The following OR10J1 variants were observed in gnomAD, a reference collection of about 807,000 sequenced individuals.
OR10J1 encodes the protein olfactory receptor 10J1.
For missense variants in OR10J1, 474 were observed against 376.6 expected, an observed-to-expected ratio of 1.26 and a Z score of -2.14; for synonymous variants, 202 against 143.8, an observed-to-expected ratio of 1.40 and a Z score of -2.89.
chr1:159,413,907 C>T, the OR10J1 span, among the ~76,000 whole-genome samples: 3 of 151,598 alleles, frequency 2.0e-5, no homozygotes, highest in Non-Finnish European at 4.4e-5. Flanking sequence ...TTTTATTAAT[C>T]TTTCTTAAAT....
chr1:159,400,135 C>T, the OR10J1 span, among the ~76,000 whole-genome samples: 1 of 151,692 alleles, frequency 6.6e-6, no homozygotes, highest in Non-Finnish European at 1.5e-5. Context: ...ACAAGACAAC[C>T]TGGAAACAAC....
At chr1:159,438,680 C>T (rs1220528593), upstream of OR10J1, among the ~76,000 whole-genome samples, 1 of 152,174 alleles carries the variant, frequency 6.6e-6, no homozygotes, top group Non-Finnish European at 1.5e-5. Context: ...TGAAGAAAGT[C>T]TCCGTGCGTA....
At chr1:159,422,876 G>A in the OR10J1 span, among the ~76,000 whole-genome samples, 3 of 152,136 alleles carry the variant, frequency 2.0e-5, no homozygotes, top group African/African-American at 4.8e-5. Context: ...AACCTCTTCA[G>A]GCTGCCAGCA....
the OR10J1 span, among the ~76,000 whole-genome samples, chr1:159,420,100 T>G: frequency 6.6e-6 from 1 of 152,200 alleles, no homozygotes; most frequent in African/African-American, 2.4e-5. Flanking sequence ...TTTACTGTTT[T>G]TGACTTAAAG....
upstream of OR10J1, among the ~76,000 whole-genome samples, chr1:159,437,127 TG>T (rs1477505351): frequency 3.9e-5 from 6 of 152,222 alleles, no homozygotes; most frequent in Non-Finnish European, 8.8e-5. Flanking sequence ...AGTTTAGAGT[TG>T]GGTCTTGACA....
the OR10J1 span, among the ~76,000 whole-genome samples, chr1:159,424,338 CAT>C: frequency 1.3e-5 from 2 of 150,962 alleles, no homozygotes; most frequent in African/African-American, 4.9e-5. Flanking sequence ...TATGCACATA[CAT>C]ATGATTTAAA....
chr1:159,402,134 T>C, the OR10J1 span, among the ~76,000 whole-genome samples: 46 of 151,916 alleles, frequency 3.0e-4, no homozygotes, highest in Non-Finnish European at 6.2e-4. Context: ...CTACAGCTAG[T>C]ACCATACTGA....
chr1:159,419,767 G>A, the OR10J1 span, among the ~76,000 whole-genome samples: 2 of 152,164 alleles, frequency 1.3e-5, no homozygotes, highest in Admixed American at 6.5e-5. Context: ...TTTGGAGAAT[G>A]TTTCTTGTGC....
At chr1:159,411,073 A>G in the OR10J1 span, among the ~76,000 whole-genome samples, 1 of 152,114 alleles carries the variant, frequency 6.6e-6, no homozygotes, top group African/African-American at 2.4e-5. Context: ...ACAGTTTGTT[A>G]TAATTTCTGT....
the OR10J1 span, among the ~76,000 whole-genome samples, chr1:159,423,873 A>G: frequency 6.6e-6 from 1 of 152,262 alleles, no homozygotes; most frequent in East Asian, 1.9e-4. Flanking sequence ...CACACCCAGA[A>G]CTTTCAATTG....
At chr1:159,415,779 GATTA>G in the OR10J1 span, among the ~76,000 whole-genome samples, 30 of 151,986 alleles carry the variant, frequency 2.0e-4, no homozygotes, top group East Asian at 1.7e-3. Context: ...ATATTAATGT[GATTA>G]ATTATTTAAT....
At chr1:159,414,741 T>C in the OR10J1 span, among the ~76,000 whole-genome samples, 1 of 152,012 alleles carries the variant, frequency 6.6e-6, no homozygotes, top group Non-Finnish European at 1.5e-5. Context: ...TGGCATCTTC[T>C]GTTATTTATT....
At chr1:159,429,607 G>A in the OR10J1 span, among the ~76,000 whole-genome samples, 1 of 152,176 alleles carries the variant, frequency 6.6e-6, no homozygotes, top group Non-Finnish European at 1.5e-5. Flanking sequence ...TTTATAATGA[G>A]TTCCCCAGAC....
chr1:159,400,726 C>T, the OR10J1 span, among the ~76,000 whole-genome samples: 1 of 151,678 alleles, frequency 6.6e-6, no homozygotes, highest in African/African-American at 2.4e-5. Context: ...ACAGAAAATC[C>T]ATAAAGAAAC....
In OR10J1 at chr1:159,440,680, A is replaced by G; in HGVS notation, c.889A>G (p.Lys297Glu). The G allele has an allele frequency of 6.2e-7, 1 of 1,613,998 alleles. No homozygotes were observed. The highest frequency in any genetic ancestry group is 2.2e-5 in the East Asian group (1 of 44,878). ...VVYTLRNKEV[K>E]DALCRAVGGK... Reference sequence around the variant, plus strand: ...ATACACCCTGAGAAATAAAGAGGTCAAAGATGCTCTGTGCAGGGCTGTTGG... The same window carrying G: ...ATACACCCTGAGAAATAAAGAGGTCGAAGATGCTCTGTGCAGGGCTGTTGG... Residue 297 changes from lysine (K) to glutamate (E), a missense_variant, in exon 1 of 1, where the codon AAA becomes GAA. Lys to Glu is a moderately conservative substitution (Grantham distance 56). Transcript: ENST00000423932.
At chr1:159,417,506 G>A in the OR10J1 span, among the ~76,000 whole-genome samples, 5 of 152,132 alleles carry the variant, frequency 3.3e-5, no homozygotes, top group Admixed American at 2.6e-4. Context: ...TTTTAAAAGT[G>A]GAAGTTGTCC....
chr1:159,406,669 G>A, the OR10J1 span, among the ~76,000 whole-genome samples: 2 of 152,242 alleles, frequency 1.3e-5, no homozygotes, highest in Non-Finnish European at 2.9e-5. Context: ...TTAAAGAGGT[G>A]GGTCCAGGTC....
At position 159,440,837 on chromosome 1, in the gene OR10J1, A is replaced by G; in HGVS notation, c.*116A>G. ...CTGCCCCTTAAATAAGAGGCAAAAG[A>G]GGAATAGCAGTTTCATACAACTGGG... On this transcript the variant is annotated 3_prime_UTR_variant, in exon 1 of 1. Coordinates refer to ENST00000423932, the MANE Select transcript of OR10J1 (RefSeq NM_012351.3). 9.3e-7 allele frequency: 1 copy of G among 1,078,656 alleles called. No homozygotes were observed. The highest frequency in any genetic ancestry group is 1.7e-5 in the South Asian group (1 of 59,884). The allele number at this position is 1,078,656 out of a possible 1,614,324, so 66.8% of individuals were successfully genotyped here.
chr1:159,415,227 A>G, the OR10J1 span, among the ~76,000 whole-genome samples: 2 of 152,100 alleles, frequency 1.3e-5, no homozygotes, highest in Non-Finnish European at 2.9e-5. Context: ...TCTTTGATCC[A>G]TCTTGAGTTG....
Sources: allele counts gnomAD v4.1 joint callset (sites outside exome capture counted in the v4.1 genomes callset), GRCh38; gene constraint gnomAD v4.1.1; transcripts MANE v1.5; gene names NCBI Gene and HGNC (gene_info 2026-07-23, HGNC 2026-07-21).